Variants in COL12A1 observed in about 807,000 individuals in gnomAD.
COL12A1 encodes the protein collagen alpha-1(XII) chain.
In COL12A1, 114 loss-of-function variants were observed where a neutral mutation model predicts 349.7. That is an observed-to-expected ratio of 0.33 (90% confidence interval 0.28 to 0.38). COL12A1 has a LOEUF of 0.38. Among genes scored for constraint, COL12A1 ranks in the 10% least tolerant of loss-of-function variants. The pLI is 1.00. For missense variants in COL12A1, 3,284 were observed against 3,756.9 expected (o/e 0.87, Z 3.29); for synonymous variants, 1,369 against 1,329.0 (o/e 1.03, Z -0.66).
At position 75,130,221 on chromosome 6, in the gene COL12A1, C is replaced by T. The variant is rs780058273; in HGVS notation, c.6080G>A (p.Gly2027Glu). 15 of 1,613,660 alleles carry T rather than the reference C, an allele frequency of 9.3e-6. No individual in the cohort carries two copies. The highest frequency in any genetic ancestry group is 2.2e-5 in the East Asian group (1 of 44,870). Residue 2027 changes from glycine to glutamate, a missense_variant, in exon 37 of 66, where the codon GGA becomes GAA. Gly to Glu is a moderately conservative substitution (Grantham distance 98). Coordinates refer to ENST00000322507, the MANE Select transcript of COL12A1 (RefSeq NM_004370.6). The part of the protein sequence containing the change: ...PAQGRTLPRS[G>E]PRNLRVFGET... ...ACCAAAGACTCTCAGGTTCCTTGGT[C>T]CACTGCGTGGTACTAAATAAATAAA...
rs368910082 is a variant in COL12A1 at position 75,091,477 on chromosome 6, T to A, written c.8685+13A>T. ...CACACAAAATAAACGTAAGATTTTT[T>A]AAAAATACATACCCTATCACCTTTT... On this transcript the variant is annotated intron_variant, in intron 61 of 65. Coordinates refer to ENST00000322507, the MANE Select transcript of COL12A1 (RefSeq NM_004370.6). 86 of 1,612,930 alleles carry A rather than the reference T, an allele frequency of 5.3e-5. No individual in the cohort carries two copies. The highest frequency in any genetic ancestry group is 1.7e-4 in the Middle Eastern group (1 of 5,894).
At chr6:75,176,195 G>A (rs1768934174) in intron 12 of COL12A1, among the ~76,000 whole-genome samples, 1 of 152,202 alleles carries the variant, frequency 6.6e-6, no homozygotes, top group Non-Finnish European at 1.5e-5. Context: ...AGGGGGAAGA[G>A]AGGAGAGTGA....
At chr6:75,193,991 G>A (rs908676684) in intron 3 of COL12A1, among the ~76,000 whole-genome samples, 1 of 152,118 alleles carries the variant, frequency 6.6e-6, no homozygotes, top group Non-Finnish European at 1.5e-5. Flanking sequence ...GGACATTTGG[G>A]TTGGTTCCAA....
intron 59 of COL12A1, among the ~76,000 whole-genome samples, chr6:75,096,625 G>T (rs1303526525): frequency 6.6e-6 from 1 of 152,174 alleles, no homozygotes. Context: ...GGCCGGGCGC[G>T]GTGGCTCACG....
chr6:75,138,979 A>T lies in COL12A1; in HGVS notation c.4958-18T>A. 6.2e-7 allele frequency: 1 copy of T among 1,612,260 alleles called. No individual in the cohort carries two copies. The highest frequency in any genetic ancestry group is 8.5e-7 in the Non-Finnish European group (1 of 1,179,454). On this transcript the variant is annotated intron_variant, in intron 27 of 65. Coordinates refer to ENST00000322507, the MANE Select transcript of COL12A1 (RefSeq NM_004370.6). ...CACGGGTCCTATCATGAGAAAAGGCAAGCAGACTAAGTTTTTGAATGTGAG... is the reference window on the plus strand; with the variant it reads ...CACGGGTCCTATCATGAGAAAAGGCTAGCAGACTAAGTTTTTGAATGTGAG...
At position 75,175,266 on chromosome 6, in the gene COL12A1, A is replaced by G; in HGVS notation, c.2482T>C (p.Ser828Pro). The G allele has an allele frequency of 6.2e-7, 1 of 1,614,206 alleles. No homozygotes were observed. The highest frequency in any genetic ancestry group is 1.1e-5 in the South Asian group (1 of 91,084). ...CCACTCCAAGATAATTTCATAGTAG[A>G]CGTCGTAGGGTCAGAAACTCTTAAG... The part of the protein sequence containing the change: ...RDLRVSDPTT[S>P]TMKLSWSGAP... Residue 828 changes from serine (S) to proline (P), a missense_variant, in exon 13 of 66, where the codon TCT becomes CCT. Physicochemically the swap from Ser to Pro is moderately conservative, Grantham distance 74. This residue lies in a region of COL12A1 where 2,601 missense variants were observed against 2,824.8 expected (regional missense o/e 0.92). Transcript: ENST00000322507.
chr6:75,170,907 C>G (rs3777505), intron 13 of COL12A1, among the ~76,000 whole-genome samples: 1 of 152,106 alleles, frequency 6.6e-6, no homozygotes, highest in Admixed American at 6.5e-5. Context: ...CATTCATATC[C>G]AGGACATTAG....
At chr6:75,196,143 T>C (rs1309214619) in intron 2 of COL12A1, among the ~76,000 whole-genome samples, 3 of 152,236 alleles carry the variant, frequency 2.0e-5, no homozygotes, top group Admixed American at 6.5e-5. Context: ...TGCAGCATTG[T>C]ACTGACTCAC....
intron 3 of COL12A1, 119 bp from the exon 4 acceptor site, chr6:75,192,474 G>A: frequency 2.3e-6 from 2 of 869,542 alleles, no homozygotes; most frequent in Admixed American, 6.2e-5. Context: ...CATTTTTTCA[G>A]GACACTCAAA....
Position 75,117,546 on chromosome 6 carries a change from C to T in COL12A1, c.7355G>A (p.Gly2452Glu), listed in dbSNP as rs1224729276. Residue 2452 changes from glycine (G) to glutamate (E), a missense_variant and splice_region_variant, in exon 47 of 66, where the codon GGG becomes GAG. Gly to Glu is a moderately conservative substitution (Grantham distance 98). This residue lies in a region of COL12A1 where 683 missense variants were observed against 932.1 expected (regional missense o/e 0.73). Transcript: ENST00000322507. ...CACACCAACTACAAAGACACTGAAC[C>T]CTGCAAAGTAGCATTTATAGAATGA... is the stretch of plus-strand genomic sequence containing the variant. Reference protein sequence around the residue: ...KKAALVIQQSGFSVFVVGVAD... With the variant: ...KKAALVIQQSEFSVFVVGVAD... 2 of 1,611,568 alleles carry T rather than the reference C, an allele frequency of 1.2e-6. No individual in the cohort carries two copies. Among genetic ancestry groups the T allele is most frequent in the East Asian group, 4.5e-5 (2 of 44,802 alleles).
intron 52 of COL12A1, among the ~76,000 whole-genome samples, chr6:75,107,941 T>C (rs1190882612): frequency 6.6e-6 from 1 of 152,206 alleles, no homozygotes; most frequent in Non-Finnish European, 1.5e-5. Context: ...AAATTTTCCT[T>C]TTGAATCTAG....
At chr6:75,114,273 C>T (rs1459832164) in intron 49 of COL12A1, among the ~76,000 whole-genome samples, 1 of 151,818 alleles carries the variant, frequency 6.6e-6, no homozygotes, top group Admixed American at 6.6e-5. Context: ...AATTTCTCCC[C>T]TGAAATCAAA....
chr6:75,123,241 T>C, intron 43 of COL12A1, 89 bp downstream of exon 43: 1 of 1,092,088 alleles, frequency 9.2e-7, no homozygotes, highest in Non-Finnish European at 1.4e-6. Context: ...AAATGTTCTA[T>C]ATTAATTGTA....
In COL12A1 at chr6:75,085,479, TATAA is replaced by T. The variant is rs1184567547; in HGVS notation, c.*1064_*1067del. On this transcript the variant is annotated 3_prime_UTR_variant, in exon 66 of 66. Coordinates refer to ENST00000322507, the MANE Select transcript of COL12A1 (RefSeq NM_004370.6). ...GGCACTCCAGTCTTAATCTCATAACTATAAATAGATAAGTTACAATGTCCCAATT... is the reference window on the plus strand; with the variant it reads ...GGCACTCCAGTCTTAATCTCATAACTATAGATAAGTTACAATGTCCCAATT... 2.8e-6 allele frequency: 1 copy of T among 354,998 alleles called. No individual in the cohort carries two copies. The highest frequency in any genetic ancestry group is 2.1e-5 in the African/African-American group (1 of 46,986). The allele number at this position is 354,998 out of a possible 1,614,324, so 22.0% of individuals were successfully genotyped here. A position where few individuals can be genotyped will look rare whatever the true frequency, so the allele number is the denominator to read the frequency against.
chr6:75,162,559 T>C (rs923198597), intron 14 of COL12A1, among the ~76,000 whole-genome samples: 1 of 152,132 alleles, frequency 6.6e-6, no homozygotes. Flanking sequence ...TAAAAATCCC[T>C]AGAAGAAAAC....
chr6:75,144,619 T>C (rs1268290952), intron 25 of COL12A1, among the ~76,000 whole-genome samples: 1 of 152,136 alleles, frequency 6.6e-6, no homozygotes, highest in Non-Finnish European at 1.5e-5. Context: ...GCAATCATTG[T>C]CACGCTTCAA....
Position 75,154,554 on chromosome 6 carries a change from T to C in COL12A1, c.3444-17A>G, listed in dbSNP as rs758638126. ...GTACCAGCCCTAAAATGTTAAAGTATATATATAGCCTGTGAGAACCATAGG... is the reference window on the plus strand; with the variant it reads ...GTACCAGCCCTAAAATGTTAAAGTACATATATAGCCTGTGAGAACCATAGG... On this transcript the variant is annotated splice_polypyrimidine_tract_variant and intron_variant, in intron 16 of 65. Coordinates refer to ENST00000322507, the MANE Select transcript of COL12A1 (RefSeq NM_004370.6). 12 of 1,600,114 alleles carry C rather than the reference T, an allele frequency of 7.5e-6. 1 individual carries two copies. The South Asian group carries it at 1.4e-4, about 18-fold the overall frequency.
At position 75,152,907 on chromosome 6, in the gene COL12A1, ATTC is replaced by A. The variant is rs1265282905; in HGVS notation, c.3566-428_3566-426del. Among the ~76,000 whole-genome samples, 57 of 152,276 alleles carry A rather than the reference ATTC, an allele frequency of 3.7e-4. 1 individual carries two copies. Among genetic ancestry groups the A allele is most frequent in the Admixed American group, 3.7e-3 (57 of 15,264 alleles). On this transcript the variant is annotated intron_variant, in intron 17 of 65. Transcript: ENST00000322507. ...ATGTAGTCAAATCATTAGATATTGC[ATTC>A]TTCTGCAATATTTAATGGTCATAGC...
intron 14 of COL12A1, among the ~76,000 whole-genome samples, chr6:75,159,966 C>T (rs1369271844): frequency 2.6e-5 from 4 of 151,880 alleles, no homozygotes; most frequent in African/African-American, 9.7e-5. Flanking sequence ...ATATTCCTGC[C>T]TTTTAATTAA....
Sources: allele counts gnomAD v4.1 joint callset (sites outside exome capture counted in the v4.1 genomes callset), GRCh38; gene constraint gnomAD v4.1.1; regional missense constraint gnomAD v4.1.1; transcripts MANE v1.5; gene names NCBI Gene and HGNC (gene_info 2026-07-23, HGNC 2026-07-21).